Variants in SNTG1 observed in about 807,000 individuals in gnomAD.
The protein encoded by SNTG1 is gamma-1-syntrophin.
SNTG1 carries 39 observed loss-of-function variants against 74.7 expected under a neutral mutation model. The observed-to-expected ratio is 0.52, with a 90% CI of 0.40 to 0.68. The LOEUF is 0.68. Ranked by LOEUF, SNTG1 falls within the 30% of genes least tolerant of loss-of-function variation. SNTG1 has a pLI of 0.00. For synonymous variants in SNTG1, 254 were observed against 217.1 expected (o/e 1.17, Z -1.49); for missense variants, 685 against 609.5 (o/e 1.12, Z -1.30).
intron 2 of SNTG1, among the ~76,000 whole-genome samples, chr8:50,297,868 T>G (rs568490619): frequency 1.3e-5 from 2 of 149,938 alleles, no homozygotes; most frequent in East Asian, 3.9e-4. Flanking sequence ...AAGATTTGGT[T>G]GAAATATGTG....
intron 1 of SNTG1, among the ~76,000 whole-genome samples, chr8:49,970,359 G>A (rs1811548847): frequency 6.6e-6 from 1 of 152,140 alleles, no homozygotes; most frequent in South Asian, 2.1e-4. Flanking sequence ...ACTTCCTGTT[G>A]TAGTTTTTAA....
intron 12 of SNTG1, among the ~76,000 whole-genome samples, chr8:50,574,746 T>A (rs2094567390): frequency 6.6e-6 from 1 of 152,126 alleles, no homozygotes; most frequent in African/African-American, 2.4e-5. Context: ...ATTTGACATG[T>A]AAGTCATTTA....
At chr8:50,661,271 T>G (rs982413037) in intron 15 of SNTG1, among the ~76,000 whole-genome samples, 9 of 152,180 alleles carry the variant, frequency 5.9e-5, no homozygotes, top group Admixed American at 2.6e-4. Flanking sequence ...TAGGAAGGAC[T>G]GATATTTGCT....
chr8:50,219,517 G>A (rs1326769275), intron 2 of SNTG1, among the ~76,000 whole-genome samples: 1 of 152,150 alleles, frequency 6.6e-6, no homozygotes, highest in Non-Finnish European at 1.5e-5. Context: ...TGGTTCCACA[G>A]GTTGTACAGG....
chr8:50,716,733 C>CT (rs5891386), intron 17 of SNTG1, among the ~76,000 whole-genome samples: 132,974 of 147,918 alleles, frequency 0.9, 59,903 homozygotes, highest in East Asian at 1. Context: ...CTTTCTTATT[C>CT]TTTTTTTTTT....
At chr8:50,204,327 A>C (rs2084111265) in intron 2 of SNTG1, among the ~76,000 whole-genome samples, 1 of 152,056 alleles carries the variant, frequency 6.6e-6, no homozygotes, top group Non-Finnish European at 1.5e-5. Flanking sequence ...CACTGAAATG[A>C]ATTGTAGTCA....
intron 15 of SNTG1, among the ~76,000 whole-genome samples, chr8:50,688,116 T>G (rs1444879734): frequency 6.6e-6 from 1 of 152,224 alleles, no homozygotes; most frequent in Non-Finnish European, 1.5e-5. Context: ...TGTTTTTTTC[T>G]TGTAAATTTG....
intron 17 of SNTG1, among the ~76,000 whole-genome samples, chr8:50,728,921 A>G (rs2095506395): frequency 6.6e-6 from 1 of 152,198 alleles, no homozygotes; most frequent in African/African-American, 2.4e-5. Context: ...TGCACTGTCC[A>G]GAGTTCTGTG....
chr8:50,481,736 T>C (rs2093742348), intron 8 of SNTG1, among the ~76,000 whole-genome samples: 3 of 152,254 alleles, frequency 2.0e-5, no homozygotes, highest in Admixed American at 6.5e-5. Flanking sequence ...GTACTTCTAC[T>C]TATATCAAGG....
chr8:50,250,830 A>G (rs978935985), intron 2 of SNTG1, among the ~76,000 whole-genome samples: 2 of 152,082 alleles, frequency 1.3e-5, no homozygotes, highest in Admixed American at 1.3e-4. Context: ...AATTAAAATG[A>G]CCTTATTAGA....
chr8:50,669,934 C>CAA (rs1256500718), intron 15 of SNTG1, among the ~76,000 whole-genome samples: 2 of 152,102 alleles, frequency 1.3e-5, no homozygotes, highest in East Asian at 3.8e-4. Context: ...GAACCAAAGA[C>CAA]AAAAACCACA....
At chr8:50,642,580 T>TAA (rs1232219135) in intron 13 of SNTG1, among the ~76,000 whole-genome samples, 1 of 152,146 alleles carries the variant, frequency 6.6e-6, no homozygotes, top group Non-Finnish European at 1.5e-5. Context: ...GGCAAGCCCT[T>TAA]GTATTTCAGC....
intron 1 of SNTG1, among the ~76,000 whole-genome samples, chr8:50,122,013 T>C (rs2081011970): frequency 7.1e-6 from 1 of 141,434 alleles, no homozygotes; most frequent in African/African-American, 2.6e-5. Context: ...AGTGAAATTG[T>C]TTTTAGGCTG....
intron 15 of SNTG1, among the ~76,000 whole-genome samples, chr8:50,703,151 C>T (rs2095431869): frequency 6.6e-6 from 1 of 152,140 alleles, no homozygotes; most frequent in Non-Finnish European, 1.5e-5. Context: ...GCTTAGCTTA[C>T]TGTAACATTT....
intron 11 of SNTG1, among the ~76,000 whole-genome samples, chr8:50,542,618 T>C (rs866255392): frequency 7.2e-5 from 11 of 152,172 alleles, no homozygotes; most frequent in African/African-American, 2.2e-4. Flanking sequence ...ACTAATGAAA[T>C]TGCTGGATCG....
rs151235672 is a variant in SNTG1, at chr8:50,662,852, T to C, written c.1038+4189T>C. 3.9e-3 allele frequency among the ~76,000 whole-genome samples: 592 copies of C among 152,204 alleles called. 7 individuals carry two copies. Among genetic ancestry groups the C allele is most frequent in the African/African-American group, 0.014 (568 of 41,456 alleles). On this transcript the variant is annotated intron_variant, in intron 15 of 18. Coordinates refer to ENST00000642720, the MANE Select transcript of SNTG1 (RefSeq NM_018967.5). Reference sequence around the variant, plus strand: ...AGAGGGTGCTGTGAAGATTAGGAATTGGTTAACTGATTTGTGAATGCATTT... The same window carrying C: ...AGAGGGTGCTGTGAAGATTAGGAATCGGTTAACTGATTTGTGAATGCATTT...
chr8:50,438,488 T>C (rs1249423012), intron 4 of SNTG1, 55 bp from the exon 5 acceptor site: 5 of 1,474,632 alleles, frequency 3.4e-6, no homozygotes, highest in Non-Finnish European at 4.7e-6. Flanking sequence ...CAAAAAATGG[T>C]GTGTAAGTAT....
At chr8:49,939,391 C>G (rs1182503428) in intron 1 of SNTG1, among the ~76,000 whole-genome samples, 1 of 152,166 alleles carries the variant, frequency 6.6e-6, no homozygotes, top group East Asian at 1.9e-4. Flanking sequence ...GAATAAGACC[C>G]TTGTCATTGA....
intron 8 of SNTG1, among the ~76,000 whole-genome samples, chr8:50,489,068 G>A (rs914021495): frequency 2.6e-5 from 4 of 152,084 alleles, no homozygotes; most frequent in African/African-American, 9.7e-5. Context: ...GAAAATGATG[G>A]ATTCCAGCTT....
Sources: allele counts gnomAD v4.1 joint callset (sites outside exome capture counted in the v4.1 genomes callset), GRCh38; gene constraint gnomAD v4.1.1; transcripts MANE v1.5; gene names NCBI Gene and HGNC (gene_info 2026-07-23, HGNC 2026-07-21).